Variants in NCAPG observed in about 807,000 individuals in gnomAD.
NCAPG encodes the protein condensin complex subunit 3.
A neutral mutation model predicts 113.1 loss-of-function variants in NCAPG; 69 were observed. That is an observed-to-expected ratio of 0.61 (90% confidence interval 0.50 to 0.75). The LOEUF is 0.75. Ranked by LOEUF, NCAPG falls within the 30% of genes least tolerant of loss-of-function variation. The pLI, the probability that NCAPG is intolerant of heterozygous loss-of-function variation, is 0.00. For missense variants in NCAPG, 1,058 were observed against 1,177.0 expected, an observed-to-expected ratio of 0.90 and a Z score of 1.48; for synonymous variants, 370 against 415.8, an observed-to-expected ratio of 0.89 and a Z score of 1.34.
intron 11 of NCAPG, 92 bp downstream of exon 11, chr4:17,825,653 T>C (rs1291333040): frequency 1.1e-5 from 13 of 1,176,932 alleles, no homozygotes; most frequent in East Asian, 2.5e-5. Context: ...TGCCAAAATA[T>C]ATTTACTTTG....
chr4:17,822,190 C>CTTT (rs1159844034), intron 7 of NCAPG, among the ~76,000 whole-genome samples: 24 of 111,738 alleles, frequency 2.1e-4, no homozygotes, highest in Non-Finnish European at 3.4e-4. Flanking sequence ...AAGATTAAAT[C>CTTT]TTTTTTTTTT....
In NCAPG at chr4:17,844,121, A is replaced by G. The variant is rs1432835399; in HGVS notation, c.*696A>G. 6.6e-6 allele frequency: 1 copy of G among 152,000 alleles called. No homozygotes were observed. Among genetic ancestry groups the G allele is most frequent in the East Asian group, 1.9e-4 (1 of 5,200 alleles). 9.4% of individuals were successfully genotyped at this position (152,000 alleles called of 1,614,324 possible). ...TGAAGCTGCTCGCTATATTTTTGGC[A>G]TAACAAAATAATATTTATTTACTGT... is the stretch of plus-strand genomic sequence containing the variant. On this transcript the variant is annotated 3_prime_UTR_variant, in exon 21 of 21. Transcript: ENST00000251496.
chr4:17,840,584 T>G lies in NCAPG; in HGVS notation c.2768-23T>G, dbSNP rs983918892. On this transcript the variant is annotated intron_variant, in intron 18 of 20. Transcript: ENST00000251496. ...TTTCATGAGGTTATCTTATTTATATTGTTGTATTATTCCCTTTAATAGAAA... is the reference window on the plus strand; with the variant it reads ...TTTCATGAGGTTATCTTATTTATATGGTTGTATTATTCCCTTTAATAGAAA... 4.7e-6 allele frequency: 6 copies of G among 1,269,242 alleles called. No homozygotes were observed. The African/African-American group carries it at 7.9e-5, about 17-fold the overall frequency. The allele number at this position is 1,269,242 out of a possible 1,614,324, so 78.6% of individuals were successfully genotyped here.
intron 3 of NCAPG, 44 bp from the exon 4 acceptor site, chr4:17,814,809 A>T: frequency 6.4e-7 from 1 of 1,564,144 alleles, no homozygotes; most frequent in South Asian, 1.1e-5. Flanking sequence ...CTGTAGTTAA[A>T]TAAATAATTT....
At position 17,818,039 on chromosome 4, in the gene NCAPG, T is replaced by C; in HGVS notation, c.1069T>C (p.Leu357=). The C allele has an allele frequency of 1.2e-6, 2 of 1,613,544 alleles. No individual in the cohort carries two copies. The highest frequency in any genetic ancestry group is 1.7e-6 in the Non-Finnish European group (2 of 1,179,788). The part of the protein sequence containing the change: ...KSKGDEGEEF[L]EQILPEPVVY... The stretch of plus-strand genomic sequence containing the variant: ...AAAAGGAGATGAAGGTGAAGAATTT[T>C]TAGAGCAGATTTTGCCAGAGCCTGT... The change falls in exon 7 of 21, where the codon TTA becomes CTA. Residue 357 remains leucine (L), a synonymous_variant. Coordinates refer to ENST00000251496, the MANE Select transcript of NCAPG (RefSeq NM_022346.5).
chr4:17,828,192 T>C, intron 11 of NCAPG, 86 bp from the exon 12 acceptor site: 4 of 763,692 alleles, frequency 5.2e-6, no homozygotes, highest in South Asian at 1.8e-5. Flanking sequence ...AGTGACAGTA[T>C]GCCCTACACA....
intron 9 of NCAPG, among the ~76,000 whole-genome samples, chr4:17,824,168 T>C (rs1721564480): frequency 1.3e-5 from 2 of 152,170 alleles, no homozygotes; most frequent in Non-Finnish European, 2.9e-5. Flanking sequence ...GTTTTACTTG[T>C]CTGCAAATAA....
chr4:17,816,229 AACC>A (rs1355370721), intron 5 of NCAPG, among the ~76,000 whole-genome samples: 1 of 152,134 alleles, frequency 6.6e-6, no homozygotes, highest in Non-Finnish European at 1.5e-5. Context: ...AGGAGCGTGC[AACC>A]TGGATACCTC....
At chr4:17,825,143 T>A in intron 10 of NCAPG, 86 bp downstream of exon 10, 2 of 987,078 alleles carry the variant, frequency 2.0e-6, no homozygotes, top group Non-Finnish European at 3.1e-6. Context: ...AGTTCTGAAA[T>A]GTTTCTCACA....
intron 9 of NCAPG, among the ~76,000 whole-genome samples, chr4:17,824,662 G>A (rs1033242842): frequency 1.3e-5 from 2 of 152,042 alleles, no homozygotes; most frequent in Admixed American, 6.5e-5. Context: ...GAATTTAAGT[G>A]TCTCATCTTA....
Position 17,834,323 on chromosome 4 carries a change from A to G in NCAPG, c.1909A>G (p.Ile637Val). The G allele has an allele frequency of 1.9e-6, 3 of 1,593,156 alleles. No individual in the cohort carries two copies. The South Asian group carries it at 3.4e-5, about 18-fold the overall frequency. The change falls in exon 14 of 21, where the codon ATA becomes GTA. Residue 637 changes from isoleucine (I) to valine (V), a missense_variant. By Grantham distance (29) the Ile-to-Val change is conservative (BLOSUM62 3). Transcript: ENST00000251496. The stretch of plus-strand genomic sequence containing the variant: ...GGTTTTGCAAATTGATGATGTCACA[A>G]TAAAAATAAGTGCTTTAAAGGCAAT... The part of the protein sequence containing the change: ...LQVLQIDDVT[I>V]KISALKAIFD...
At chr4:17,843,190 G>T in intron 20 of NCAPG, 112 bp from the exon 21 acceptor site, 1 of 1,128,648 alleles carries the variant, frequency 8.9e-7, no homozygotes, top group Non-Finnish European at 1.3e-6. Context: ...ATGGAATCAG[G>T]CTATCAATTA....
chr4:17,823,617 A>T (rs761489658), intron 8 of NCAPG, 30 bp from the exon 9 acceptor site: 3 of 1,581,096 alleles, frequency 1.9e-6, no homozygotes. Context: ...TTGTCATAAT[A>T]ATATTTAAAT....
intron 14 of NCAPG, 59 bp from the exon 15 acceptor site, chr4:17,837,100 T>C: frequency 6.7e-7 from 1 of 1,490,520 alleles, no homozygotes; most frequent in South Asian, 1.2e-5. Flanking sequence ...CAGGCTACAT[T>C]GAGAGGCTTA....
rs1260012393 is a variant in NCAPG at position 17,843,308 on chromosome 4, T to C, written c.2931T>C (p.His977=). 1.2e-6 allele frequency: 2 copies of C among 1,611,208 alleles called. No individual in the cohort carries two copies. The highest frequency in any genetic ancestry group is 2.7e-5 in the African/African-American group (2 of 74,794). ...QTAEADSESD[H]EVPEPESEMK... ...ATTTTCAACATCTATTTAGTGATCA[T>C]GAAGTTCCAGAACCAGAATCAGAAA... Residue 977 remains histidine, a synonymous_variant, in exon 21 of 21, where the codon CAT becomes CAC. Transcript: ENST00000251496.
chr4:17,814,917 T>C lies in NCAPG; in HGVS notation c.609T>C (p.Ile203=). ...TTAGACGGGCAGTGTTATCATGTAT[T>C]GCACCATCAGCAAAGACTTTGCCAA... ...PEVRRAVLSC[I]APSAKTLPKI... is the part of the protein sequence containing the mutation. Residue 203 remains isoleucine (I), a synonymous_variant, in exon 4 of 21, where the codon ATT becomes ATC. Transcript: ENST00000251496. 6.2e-7 allele frequency: 1 copy of C among 1,614,214 alleles called. No homozygotes were observed. The highest frequency in any genetic ancestry group is 8.5e-7 in the Non-Finnish European group (1 of 1,180,024).
At chr4:17,826,554 A>G (rs1193192259) in intron 11 of NCAPG, among the ~76,000 whole-genome samples, 1 of 152,234 alleles carries the variant, frequency 6.6e-6, no homozygotes, top group Non-Finnish European at 1.5e-5. Context: ...TGAAAATATC[A>G]TCTGAAAAAT....
Position 17,840,713 on chromosome 4 carries a change from T to C in NCAPG, c.2854+20T>C. On this transcript the variant is annotated intron_variant, in intron 19 of 20. Transcript: ENST00000251496. ...ACAGAGGTAGTGTGTGGATTGACCA[T>C]CTTTATGATAAAAGTTTTAAATTTT... 7.1e-7 allele frequency: 1 copy of C among 1,417,772 alleles called. No homozygotes were observed. The highest frequency in any genetic ancestry group is 9.3e-7 in the Non-Finnish European group (1 of 1,071,904). The allele number at this position is 1,417,772 out of a possible 1,614,324, so 87.8% of individuals were successfully genotyped here.
chr4:17,825,875 A>G (rs1721639896), intron 11 of NCAPG, among the ~76,000 whole-genome samples: 3 of 151,976 alleles, frequency 2.0e-5, no homozygotes, highest in African/African-American at 7.2e-5. Flanking sequence ...TTTGTCTTGA[A>G]TGGTTTAAAA....
Sources: allele counts gnomAD v4.1 joint callset (sites outside exome capture counted in the v4.1 genomes callset), GRCh38; gene constraint gnomAD v4.1.1; transcripts MANE v1.5; gene names NCBI Gene and HGNC (gene_info 2026-07-23, HGNC 2026-07-21).